Variants in PIAS2 observed in about 807,000 individuals in gnomAD.
PIAS2 encodes protein inhibitor of activated STAT 2, also known as E3 SUMO-protein ligase PIAS2.
Under a neutral mutation model 69.7 loss-of-function variants are expected in PIAS2, and 19 were observed. The observed-to-expected ratio is 0.27, with a 90% CI of 0.19 to 0.40. The LOEUF is 0.40. Ranked by LOEUF, PIAS2 falls within the 10% of genes least tolerant of loss-of-function variation. PIAS2 has a pLI of 1.00. For synonymous variants in PIAS2, 261 were observed against 263.2 expected (o/e 0.99, Z 0.08); for missense variants, 624 against 757.0 (o/e 0.82, Z 2.06).
intron 2 of PIAS2, among the ~76,000 whole-genome samples, chr18:46,877,697 A>G (rs1378540427): frequency 6.6e-6 from 1 of 152,220 alleles, no homozygotes; most frequent in Non-Finnish European, 1.5e-5. Context: ...GACACGACAC[A>G]GAACCAGGGA....
At chr18:46,858,371 T>C (rs1361968715) in intron 3 of PIAS2, among the ~76,000 whole-genome samples, 4 of 152,128 alleles carry the variant, frequency 2.6e-5, no homozygotes, top group Non-Finnish European at 5.9e-5. Context: ...AGCTTTCTAA[T>C]GGAAAGATCT....
chr18:46,873,401 A>C (rs1226172555), intron 2 of PIAS2, among the ~76,000 whole-genome samples: 1 of 152,210 alleles, frequency 6.6e-6, no homozygotes, highest in East Asian at 1.9e-4. Context: ...TTTTCAAAAC[A>C]GGACATCTAT....
chr18:46,853,508 T>C (rs2047291414), intron 5 of PIAS2: 1 of 152,052 alleles, frequency 6.6e-6, no homozygotes, highest in Admixed American at 6.6e-5. Flanking sequence ...AAATAAAAGA[T>C]AGGCCAGGCG....
intron 12 of PIAS2, among the ~76,000 whole-genome samples, chr18:46,820,722 T>C (rs2042077431): frequency 6.6e-6 from 1 of 152,180 alleles, no homozygotes; most frequent in Admixed American, 6.5e-5. Context: ...TATTCTACTA[T>C]ATTTCTTATC....
chr18:46,826,842 T>C (rs1212061521), intron 11 of PIAS2: 2 of 152,182 alleles, frequency 1.3e-5, no homozygotes, highest in South Asian at 2.1e-4. Context: ...AGAAGGCAGC[T>C]GAAAAGGTTT....
intron 5 of PIAS2, chr18:46,852,761 CTA>C (rs2047158111): frequency 6.6e-6 from 1 of 152,290 alleles, no homozygotes. Context: ...CTGGTAACGT[CTA>C]TGTTTACACA....
intron 1 of PIAS2, among the ~76,000 whole-genome samples, chr18:46,906,882 C>A (rs939648125): frequency 6.6e-6 from 1 of 151,860 alleles, no homozygotes; most frequent in African/African-American, 2.4e-5. Flanking sequence ...ACTTGTGCTA[C>A]TTCTGTCTCC....
At chr18:46,855,740 ATAC>A in intron 3 of PIAS2, 125 bp from the exon 4 acceptor site, 1 of 705,302 alleles carries the variant, frequency 1.4e-6, no homozygotes, top group Non-Finnish European at 2.5e-6. Flanking sequence ...GGTGATCAAT[ATAC>A]TACCAATAAT....
intron 2 of PIAS2, among the ~76,000 whole-genome samples, chr18:46,879,985 A>T (rs1022322548): frequency 6.6e-6 from 1 of 152,026 alleles, no homozygotes; most frequent in Non-Finnish European, 1.5e-5. Flanking sequence ...TTGCAAGATG[A>T]AAAGGGTTCT....
At chr18:46,913,719 G>T (rs1313439156) in intron 1 of PIAS2, among the ~76,000 whole-genome samples, 1 of 152,186 alleles carries the variant, frequency 6.6e-6, no homozygotes, top group Admixed American at 6.5e-5. Flanking sequence ...AACTGGAAGG[G>T]TAAAGAAAAA....
At chr18:46,832,145 G>A (rs574727190) in intron 9 of PIAS2, among the ~76,000 whole-genome samples, 14 of 151,874 alleles carry the variant, frequency 9.2e-5, no homozygotes, top group Non-Finnish European at 1.6e-4. Context: ...GGCCAGGCAC[G>A]GTGGCTCATG....
At chr18:46,852,409 C>T (rs2047099070) in intron 5 of PIAS2, among the ~76,000 whole-genome samples, 1 of 152,200 alleles carries the variant, frequency 6.6e-6, no homozygotes, top group Admixed American at 6.5e-5. Context: ...GCCTTTCTCT[C>T]AATGCTCTAT....
intron 11 of PIAS2, among the ~76,000 whole-genome samples, chr18:46,822,145 C>T (rs1393676175): frequency 6.6e-6 from 1 of 152,150 alleles, no homozygotes; most frequent in Non-Finnish European, 1.5e-5. Context: ...TGACAAATTG[C>T]ATGACATTCT....
chr18:46,812,720 C>T, intron 13 of PIAS2, 108 bp from the exon 14 acceptor site: 1 of 625,736 alleles, frequency 1.6e-6, no homozygotes, highest in Non-Finnish European at 2.7e-6. Context: ...ATTTAAATCC[C>T]AGTGGGATTT....
intron 2 of PIAS2, among the ~76,000 whole-genome samples, chr18:46,887,967 T>C (rs1473285150): frequency 2.6e-5 from 4 of 152,058 alleles, no homozygotes; most frequent in African/African-American, 9.7e-5. Flanking sequence ...ACAGTAAACC[T>C]TAAAGATTTC....
At position 46,815,313 on chromosome 18, in the gene PIAS2, T is replaced by C. The variant is rs988909160; in HGVS notation, c.1685A>G (p.Gln562Arg). The C allele has an allele frequency of 3.1e-6, 5 of 1,611,158 alleles. No homozygotes were observed. Among genetic ancestry groups the C allele is most frequent in the Non-Finnish European group, 4.2e-6 (5 of 1,177,780 alleles). Reference protein sequence around the residue: ...DFLSLIPVDPQYCPPMFLDSL... With the variant: ...DFLSLIPVDPRYCPPMFLDSL... ...GTTGCTTAAATTCAGGATACATACC[T>C]GGGGATCAACTGGAATAAGGGAAAG... Residue 562 changes from glutamine (Q) to arginine (R), a missense_variant and splice_region_variant, in exon 13 of 14, where the codon CAG becomes CGG. By Grantham distance (43) the Gln-to-Arg change is conservative. This residue lies in a region of PIAS2 where 241 missense variants were observed against 257.3 expected (regional missense o/e 0.94). Coordinates refer to ENST00000585916, the MANE Select transcript of PIAS2 (RefSeq NM_004671.5).
chr18:46,917,501 G>A lies in PIAS2; in HGVS notation c.-156C>T. The A allele has an allele frequency of 2.5e-6, 3 of 1,189,732 alleles. No individual in the cohort carries two copies. The highest frequency in any genetic ancestry group is 3.1e-6 in the Non-Finnish European group (3 of 957,846). The allele number at this position is 1,189,732 out of a possible 1,614,324, so 73.7% of individuals were successfully genotyped here. On this transcript the variant is annotated 5_prime_UTR_variant, in exon 1 of 14. The change creates a new upstream start codon in the 5' untranslated region. Transcript: ENST00000585916. The stretch of plus-strand genomic sequence containing the variant: ...GGCCGCCGCCGCTACAGCCGGGCCC[G>A]TCACGTGAACGGCGCGGGAGCTCCG...
intron 1 of PIAS2, among the ~76,000 whole-genome samples, chr18:46,906,785 G>C (rs1471796461): frequency 7.2e-6 from 1 of 138,770 alleles, no homozygotes; most frequent in Non-Finnish European, 1.6e-5. Context: ...GGGGGGGGGG[G>C]AGGTGTATAA....
At chr18:46,816,872 T>G (rs2041611134) in intron 12 of PIAS2, 4 of 963,290 alleles carry the variant, frequency 4.2e-6, no homozygotes, top group Non-Finnish European at 4.9e-6. Context: ...CAATGACTTC[T>G]CTATTAAAAT....
Sources: allele counts gnomAD v4.1 joint callset (sites outside exome capture counted in the v4.1 genomes callset), GRCh38; gene constraint gnomAD v4.1.1; regional missense constraint gnomAD v4.1.1; transcripts MANE v1.5; gene names NCBI Gene and HGNC (gene_info 2026-07-23, HGNC 2026-07-21).